Variants in STXBP5L observed in about 807,000 individuals in gnomAD.
STXBP5L encodes the protein syntaxin-binding protein 5-like.
A neutral mutation model predicts 144.5 loss-of-function variants in STXBP5L; 65 were observed. That is an observed-to-expected ratio of 0.45 (90% CI 0.37 to 0.55). The LOEUF is 0.55. Among genes scored for constraint, STXBP5L ranks in the 20% least tolerant of loss-of-function variants. The pLI is 0.00. For missense variants in STXBP5L, 1,298 were observed against 1,405.5 expected (o/e 0.92, Z 1.22); for synonymous variants, 505 against 469.6 (o/e 1.08, Z -0.97).
intron 3 of STXBP5L, among the ~76,000 whole-genome samples, chr3:121,004,165 A>T (rs1217590892): frequency 6.6e-6 from 1 of 152,092 alleles, no homozygotes; most frequent in Non-Finnish European, 1.5e-5. Flanking sequence ...CATGATATTG[A>T]TTCTTCCTAC....
chr3:121,394,974 C>T (rs1437185215), intron 22 of STXBP5L, among the ~76,000 whole-genome samples: 2 of 152,012 alleles, frequency 1.3e-5, no homozygotes, highest in Non-Finnish European at 2.9e-5. Context: ...AATAAAACTT[C>T]ATTTACCCTT....
chr3:120,961,314 G>A (rs1026597510), intron 3 of STXBP5L, among the ~76,000 whole-genome samples: 7 of 148,170 alleles, frequency 4.7e-5, no homozygotes, highest in South Asian at 2.1e-4. Flanking sequence ...TAGGGTACAC[G>A]TGCACAACGT....
chr3:121,212,068 GT>G (rs2048596058), intron 10 of STXBP5L, among the ~76,000 whole-genome samples: 1 of 151,916 alleles, frequency 6.6e-6, no homozygotes, highest in African/African-American at 2.4e-5. Flanking sequence ...GTTGTTTGTT[GT>G]TTTCTTGTAA....
At chr3:121,304,666 G>A (rs560868811) in intron 19 of STXBP5L, among the ~76,000 whole-genome samples, 15 of 152,156 alleles carry the variant, frequency 9.9e-5, no homozygotes, top group African/African-American at 2.9e-4. Context: ...TGAACTGAGT[G>A]AAAGTACAAA....
At chr3:121,232,283 T>G (rs1318676286) in intron 11 of STXBP5L, among the ~76,000 whole-genome samples, 4 of 152,088 alleles carry the variant, frequency 2.6e-5, no homozygotes, top group Non-Finnish European at 5.9e-5. Context: ...TCAATCAAAG[T>G]TGAAATCCCC....
chr3:121,418,648 A>G (rs2047295009), intron 26 of STXBP5L, 91 bp downstream of exon 26: 6 of 1,202,220 alleles, frequency 5.0e-6, no homozygotes, highest in African/African-American at 3.0e-5. Flanking sequence ...AGAGATCCAC[A>G]TAAGTAATCC....
chr3:121,235,768 G>A (rs1322065753), intron 12 of STXBP5L, among the ~76,000 whole-genome samples: 1 of 151,242 alleles, frequency 6.6e-6, no homozygotes, highest in Non-Finnish European at 1.5e-5. Context: ...TCTTATTTGG[G>A]ATACTATCTG....
chr3:121,141,021 C>T (rs759096335), intron 7 of STXBP5L, among the ~76,000 whole-genome samples: 1 of 151,752 alleles, frequency 6.6e-6, no homozygotes, highest in African/African-American at 2.4e-5. Context: ...TGTTATCTGT[C>T]AATATAAAAG....
intron 3 of STXBP5L, among the ~76,000 whole-genome samples, chr3:120,977,775 G>A (rs1168523733): frequency 6.6e-6 from 1 of 152,094 alleles, no homozygotes; most frequent in African/African-American, 2.4e-5. Context: ...GCTTGTCTGT[G>A]AAGTATTTTA....
At chr3:121,028,142 G>A (rs1051992131) in intron 3 of STXBP5L, among the ~76,000 whole-genome samples, 1 of 151,928 alleles carries the variant, frequency 6.6e-6, no homozygotes, top group Non-Finnish European at 1.5e-5. Flanking sequence ...TAAATTAATA[G>A]AAACATTAGA....
chr3:120,964,626 G>T (rs1939323687), intron 3 of STXBP5L, among the ~76,000 whole-genome samples: 1 of 152,176 alleles, frequency 6.6e-6, no homozygotes, highest in African/African-American at 2.4e-5. Flanking sequence ...TTGCACTGTG[G>T]TCTGAGAGAC....
intron 19 of STXBP5L, among the ~76,000 whole-genome samples, chr3:121,285,736 C>T (rs1446060213): frequency 1.3e-5 from 2 of 152,076 alleles, no homozygotes; most frequent in Admixed American, 1.3e-4. Context: ...CTACTTCATA[C>T]ATTTATAATC....
chr3:120,921,377 C>A (rs576097525), intron 2 of STXBP5L, among the ~76,000 whole-genome samples: 12 of 151,974 alleles, frequency 7.9e-5, no homozygotes, highest in African/African-American at 2.6e-4. Context: ...TGGTTCTTCA[C>A]CCCTTGTCAG....
intron 20 of STXBP5L, among the ~76,000 whole-genome samples, chr3:121,376,136 C>A (rs919550463): frequency 2.0e-5 from 3 of 152,170 alleles, no homozygotes; most frequent in Non-Finnish European, 4.4e-5. Context: ...CATATTCTAG[C>A]ATTTGACATG....
chr3:121,170,795 T>C (rs1175683500), intron 9 of STXBP5L, among the ~76,000 whole-genome samples: 3 of 152,158 alleles, frequency 2.0e-5, no homozygotes, highest in Non-Finnish European at 4.4e-5. Flanking sequence ...CTTCTGAAAC[T>C]ATTTCAAACA....
intron 7 of STXBP5L, among the ~76,000 whole-genome samples, chr3:121,123,659 G>T (rs1204275434): frequency 6.6e-6 from 1 of 151,522 alleles, no homozygotes. Flanking sequence ...TATTTTATTT[G>T]TGTTGTTCAA....
chr3:121,257,319 T>C lies in STXBP5L; in HGVS notation c.1818T>C (p.Ser606=). Residue 606 remains serine, a synonymous_variant, in exon 17 of 27, where the codon AGT becomes AGC. Transcript: ENST00000471454. ...CTAGTGAAGGAGTAACAAAGGACAG[T>C]ATTCCATGCCTCAAGTAAGAGTTTC... ...TVASEGVTKD[S]IPCLNVKTRP... is the part of the protein sequence containing the mutation. 6.2e-7 allele frequency: 1 copy of C among 1,610,102 alleles called. No individual in the cohort carries two copies.
chr3:121,410,618 C>CCAGTGGGTACTTA (rs1388050033), intron 23 of STXBP5L, among the ~76,000 whole-genome samples: 3 of 151,818 alleles, frequency 2.0e-5, no homozygotes, highest in Admixed American at 2.0e-4. Context: ...AGGTAGCTAG[C>CCAGTGGGTACTTA]CAGTGGTTAC....
chr3:121,074,039 ACAT>A lies in STXBP5L; in HGVS notation c.470+28509_470+28511del, dbSNP rs766546967. Among the ~76,000 whole-genome samples the A allele has an allele frequency of 3.3e-5, 5 of 152,264 alleles. 1 individual carries two copies. In the South Asian group the frequency reaches 8.3e-4, roughly 25 times the overall value. On this transcript the variant is annotated intron_variant, in intron 5 of 26. Transcript: ENST00000471454. ...TTCTTTTGTGGGTGCAGCCAACAAT[ACAT>A]CATCCATGTACTGCAACAGGACACA...
Sources: allele counts gnomAD v4.1 joint callset (sites outside exome capture counted in the v4.1 genomes callset), GRCh38; gene constraint gnomAD v4.1.1; transcripts MANE v1.5; gene names NCBI Gene and HGNC (gene_info 2026-07-23, HGNC 2026-07-21).